Variants in TANC2 observed in about 807,000 individuals in gnomAD.
TANC2 encodes protein TANC2.
In TANC2, 26 loss-of-function variants were observed where a neutral mutation model predicts 210.5. The observed-to-expected ratio is 0.12, with a 90% CI of 0.09 to 0.17. The LOEUF is 0.17. Ranked by LOEUF, TANC2 falls within the 10% of genes least tolerant of loss-of-function variation. The pLI is 1.00. For missense variants in TANC2, 2,129 were observed against 2,608.9 expected (o/e 0.82, Z 4.01); for synonymous variants, 931 against 967.1 (o/e 0.96, Z 0.69).
chr17:63,219,862 A>G (rs967786350), intron 7 of TANC2, among the ~76,000 whole-genome samples: 16 of 152,210 alleles, frequency 1.1e-4, no homozygotes, highest in African/African-American at 3.6e-4. Flanking sequence ...ATTTGTATGG[A>G]GTTAGATTAG....
intron 4 of TANC2, among the ~76,000 whole-genome samples, chr17:63,138,280 G>A (rs1481317458): frequency 1.3e-5 from 2 of 152,150 alleles, no homozygotes; most frequent in African/African-American, 2.4e-5. Flanking sequence ...GAAATCTATT[G>A]TATTGGGCTA....
At chr17:62,977,610 C>A (rs1232778593) in intron 1 of TANC2, among the ~76,000 whole-genome samples, 1 of 148,852 alleles carries the variant, frequency 6.7e-6, no homozygotes, top group Non-Finnish European at 1.5e-5. Context: ...TGGGGTATTT[C>A]TCCCCTATCC....
chr17:63,426,143 C>A (rs931361733), exon 28 of TANC2: 3 of 152,298 alleles, frequency 2.0e-5, no homozygotes, highest in Admixed American at 1.3e-4. Flanking sequence ...AGAAACCGAC[C>A]TGCAAAGGCA....
At position 63,380,376 on chromosome 17, in the gene TANC2, G is replaced by A. The variant is rs115239247; in HGVS notation, c.2691+550G>A. On this transcript the variant is annotated intron_variant, in intron 15 of 27. Transcript: ENST00000689528. ...CAGCTTCTCTCTCAGCCTTCAGAAG[G>A]CTGAAATGGAGGACCAAAAAGAGGA... is the stretch of plus-strand genomic sequence containing the variant. Among the ~76,000 whole-genome samples the A allele has an allele frequency of 5.5e-3, 832 of 152,290 alleles. 7 individuals are homozygous for A. Among genetic ancestry groups the A allele is most frequent in the African/African-American group, 0.018 (740 of 41,554 alleles).
At chr17:63,269,409 C>T (rs1362016109) in intron 9 of TANC2, among the ~76,000 whole-genome samples, 5 of 152,084 alleles carry the variant, frequency 3.3e-5, no homozygotes, top group African/African-American at 7.2e-5. Context: ...AATTGATTTG[C>T]GCCCCGACCA....
At chr17:63,276,863 C>CTT (rs1567875041) in intron 9 of TANC2, among the ~76,000 whole-genome samples, 2 of 152,120 alleles carry the variant, frequency 1.3e-5, no homozygotes, top group African/African-American at 4.8e-5. Context: ...CCTCACAACT[C>CTT]TTTAAGTAGT....
At chr17:63,386,144 A>G (rs2047771715) in intron 15 of TANC2, among the ~76,000 whole-genome samples, 1 of 152,246 alleles carries the variant, frequency 6.6e-6, no homozygotes, top group African/African-American at 2.4e-5. Context: ...ATAAAGATAC[A>G]TGTACATGGA....
intron 7 of TANC2, among the ~76,000 whole-genome samples, chr17:63,225,998 TATC>T (rs1257050488): frequency 6.6e-6 from 1 of 152,222 alleles, no homozygotes; most frequent in African/African-American, 2.4e-5. Flanking sequence ...TACTTGTAGG[TATC>T]ATAAAATATC....
chr17:63,417,465 G>T (rs2048899477), intron 26 of TANC2, among the ~76,000 whole-genome samples: 1 of 152,108 alleles, frequency 6.6e-6, no homozygotes, highest in Admixed American at 6.5e-5. Flanking sequence ...TCTCAGGAAT[G>T]ACATGCCTGT....
chr17:63,274,428 C>T (rs961475849), intron 9 of TANC2, among the ~76,000 whole-genome samples: 14 of 152,192 alleles, frequency 9.2e-5, no homozygotes, highest in Admixed American at 5.9e-4. Flanking sequence ...AGCTAGCTAA[C>T]CTACTACAAG....
chr17:62,977,759 A>C (rs2032090295), intron 1 of TANC2, among the ~76,000 whole-genome samples: 1 of 152,134 alleles, frequency 6.6e-6, no homozygotes, highest in Non-Finnish European at 1.5e-5. Flanking sequence ...GGAGTCAATA[A>C]AGAAAAAGTT....
At chr17:63,193,516 G>C (rs1308817196) in intron 5 of TANC2, among the ~76,000 whole-genome samples, 4 of 152,178 alleles carry the variant, frequency 2.6e-5, no homozygotes, top group Admixed American at 2.6e-4. Context: ...ATTGTGTTTT[G>C]TGATGCTGTT....
At chr17:63,424,423 G>GCCTGTGC (rs908272973) in exon 28 of TANC2, 41 of 152,314 alleles carry the variant, frequency 2.7e-4, no homozygotes, top group African/African-American at 9.1e-4. Context: ...CAAGCAGACT[G>GCCTGTGC]CCTGTGCCCT....
At chr17:63,379,791 C>A in exon 15 of TANC2, 1 of 1,612,654 alleles carries the variant, frequency 6.2e-7, no homozygotes, top group East Asian at 2.2e-5. Flanking sequence ...GACTATTGAA[C>A]TGGGACATCA....
At chr17:63,217,190 A>G (rs2042048011) in intron 7 of TANC2, among the ~76,000 whole-genome samples, 1 of 152,192 alleles carries the variant, frequency 6.6e-6, no homozygotes, top group African/African-American at 2.4e-5. Context: ...ATGTAAGCAG[A>G]AGGTAGGAAA....
intron 11 of TANC2, among the ~76,000 whole-genome samples, chr17:63,323,836 C>T (rs1184040277): frequency 6.6e-6 from 1 of 152,148 alleles, no homozygotes; most frequent in African/African-American, 2.4e-5. Flanking sequence ...AATGTGAATA[C>T]TATGGTTATC....
Position 63,136,305 on chromosome 17 carries a change from T to C in TANC2, c.323-14965T>C, listed in dbSNP as rs189114950. 7.9e-4 allele frequency among the ~76,000 whole-genome samples: 121 copies of C among 152,346 alleles called. 1 individual carries two copies. The highest frequency in any genetic ancestry group is 2.9e-3 in the African/African-American group (119 of 41,584). On this transcript the variant is annotated intron_variant, in intron 4 of 27. Coordinates refer to ENST00000689528, the Ensembl canonical transcript of TANC2. ...CTTCTATGTTCTATCTGTATATCAA[T>C]GTGTCTGGTATATCCTTTTATGTGG...
At chr17:63,075,331 A>G (rs1173714948) in intron 3 of TANC2, among the ~76,000 whole-genome samples, 1 of 152,186 alleles carries the variant, frequency 6.6e-6, no homozygotes, top group Non-Finnish European at 1.5e-5. Flanking sequence ...TTTCAAATCA[A>G]TGAGCGTAAT....
intron 3 of TANC2, chr17:63,088,807 C>G (rs1338725688): frequency 6.6e-6 from 1 of 152,120 alleles, no homozygotes; most frequent in African/African-American, 2.4e-5. Flanking sequence ...TAAAATTGTT[C>G]AAAGGGTTTC....
Sources: gnomAD v4.1 joint callset for allele counts (sites outside exome capture counted in the v4.1 genomes callset) on GRCh38, gnomAD v4.1.1 for gene constraint, MANE v1.5 for transcripts, NCBI Gene and HGNC (gene_info 2026-07-23, HGNC 2026-07-21) for gene names.